The following DCC variants were observed in gnomAD, a reference collection of about 807,000 sequenced individuals.
DCC encodes the protein DCC netrin 1 receptor.
DCC carries 58 observed loss-of-function variants against 172.5 expected under a neutral mutation model. The observed-to-expected ratio is 0.34, with a 90% CI of 0.27 to 0.42. The LOEUF (loss-of-function observed/expected upper bound fraction) is 0.42. Ranked by LOEUF, DCC falls within the 10% of genes least tolerant of loss-of-function variation. The pLI is 1.00. For synonymous variants in DCC, 709 were observed against 644.5 expected, an observed-to-expected ratio of 1.10 and a Z score of -1.52; for missense variants, 1,740 against 1,791.0, an observed-to-expected ratio of 0.97 and a Z score of 0.51.
rs151158416 is a variant in DCC, at chr18:52,810,088, A to T, written c.412+57714A>T. Among the ~76,000 whole-genome samples the T allele has an allele frequency of 3.5e-3, 531 of 151,852 alleles. 2 individuals are homozygous for T. The highest frequency in any genetic ancestry group is 7.1e-3 in the South Asian group (34 of 4,822). On this transcript the variant is annotated intron_variant, in intron 2 of 28. Transcript: ENST00000442544. ...AATCCTTCTAACAACCAAAAAAAAA[A>T]ATATATTCTCAAAAAGTTTATTGAA...
At chr18:52,740,317 G>A (rs1302179842) in intron 1 of DCC, among the ~76,000 whole-genome samples, 1 of 152,120 alleles carries the variant, frequency 6.6e-6, no homozygotes, top group Non-Finnish European at 1.5e-5. Context: ...CAAAGCTGAT[G>A]TTTCTGTTAT....
chr18:53,292,729 C>G (rs1420393862), intron 12 of DCC, among the ~76,000 whole-genome samples: 1 of 152,078 alleles, frequency 6.6e-6, no homozygotes, highest in Non-Finnish European at 1.5e-5. Flanking sequence ...AAAAACAAAT[C>G]TTTGCACAAT....
chr18:52,674,845 C>T (rs2035621980), intron 1 of DCC, among the ~76,000 whole-genome samples: 1 of 151,958 alleles, frequency 6.6e-6, no homozygotes, highest in Non-Finnish European at 1.5e-5. Context: ...AAGACTGGTT[C>T]AGGCCAGGAA....
chr18:52,431,529 A>G (rs145121503), intron 1 of DCC, among the ~76,000 whole-genome samples: 1 of 152,280 alleles, frequency 6.6e-6, no homozygotes, highest in East Asian at 1.9e-4. Flanking sequence ...TCTCAAAAGA[A>G]GAAGAAAAAA....
intron 27 of DCC, among the ~76,000 whole-genome samples, chr18:53,511,283 G>C (rs1201328463): frequency 1.3e-5 from 2 of 152,226 alleles, no homozygotes; most frequent in Non-Finnish European, 2.9e-5. Flanking sequence ...TTGGAAAATG[G>C]TAGGAGTAGG....
intron 12 of DCC, among the ~76,000 whole-genome samples, chr18:53,284,895 G>A (rs551080656): frequency 6.6e-6 from 1 of 152,284 alleles, no homozygotes; most frequent in East Asian, 1.9e-4. Flanking sequence ...GGTGACTCTT[G>A]TTATGTTTTA....
intron 10 of DCC, 120 bp from the exon 11 acceptor site, chr18:53,207,559 T>TA: frequency 2.1e-6 from 2 of 965,404 alleles, no homozygotes; most frequent in Non-Finnish European, 1.6e-6. Context: ...TATAGCTCAT[T>TA]AGAAGGCTGG....
At chr18:53,291,695 T>C (rs982929801) in intron 12 of DCC, among the ~76,000 whole-genome samples, 1 of 152,188 alleles carries the variant, frequency 6.6e-6, no homozygotes, top group Non-Finnish European at 1.5e-5. Flanking sequence ...TTGCTTTTAG[T>C]AGTTTTATTT....
At chr18:53,088,014 T>C (rs1486299547) in intron 7 of DCC, among the ~76,000 whole-genome samples, 1 of 152,186 alleles carries the variant, frequency 6.6e-6, no homozygotes, top group Admixed American at 6.5e-5. Context: ...AGCCTTGTAG[T>C]ATAGTTTGTA....
intron 22 of DCC, among the ~76,000 whole-genome samples, chr18:53,448,091 G>A (rs1170210470): frequency 7.0e-5 from 10 of 142,668 alleles, no homozygotes; most frequent in Middle Eastern, 3.9e-3. Context: ...TGATTCTTAG[G>A]CAACTTGTCA....
At chr18:52,775,020 A>C (rs2037404763) in intron 2 of DCC, among the ~76,000 whole-genome samples, 2 of 152,148 alleles carry the variant, frequency 1.3e-5, no homozygotes, top group Admixed American at 1.3e-4. Flanking sequence ...AGTTTTTTAA[A>C]GCCCGGTGAA....
chr18:53,282,682 G>A (rs547522853), intron 12 of DCC, among the ~76,000 whole-genome samples: 1 of 152,104 alleles, frequency 6.6e-6, no homozygotes, highest in South Asian at 2.1e-4. Flanking sequence ...CACTTTTAAG[G>A]ACAATTTTTA....
chr18:53,291,714 C>T (rs778825651), intron 12 of DCC, among the ~76,000 whole-genome samples: 14 of 152,046 alleles, frequency 9.2e-5, no homozygotes, highest in Non-Finnish European at 1.8e-4. Flanking sequence ...TTAGTACAAA[C>T]GAATAGTCTG....
At chr18:53,113,910 T>G (rs1025315661) in intron 7 of DCC, among the ~76,000 whole-genome samples, 2 of 151,464 alleles carry the variant, frequency 1.3e-5, no homozygotes, top group African/African-American at 4.8e-5. Context: ...GATGTTTTAA[T>G]TATACCTTTA....
chr18:52,687,663 T>C (rs2035863809), intron 1 of DCC, among the ~76,000 whole-genome samples: 1 of 152,254 alleles, frequency 6.6e-6, no homozygotes, highest in African/African-American at 2.4e-5. Flanking sequence ...TTCTCAATAT[T>C]GTGGGCTGTT....
intron 1 of DCC, among the ~76,000 whole-genome samples, chr18:52,389,503 A>G (rs1177072178): frequency 6.6e-6 from 1 of 152,088 alleles, no homozygotes; most frequent in Non-Finnish European, 1.5e-5. Context: ...ACAGGTCAAT[A>G]AAGATTTATC....
chr18:53,248,001 C>T (rs936991370), intron 12 of DCC, among the ~76,000 whole-genome samples: 2 of 151,928 alleles, frequency 1.3e-5, no homozygotes, highest in African/African-American at 2.4e-5. Flanking sequence ...TTAACTGCTC[C>T]ATGTCTGATC....
intron 28 of DCC, among the ~76,000 whole-genome samples, chr18:53,530,056 A>G (rs973286292): frequency 1.1e-4 from 17 of 152,200 alleles, no homozygotes; most frequent in Non-Finnish European, 2.1e-4. Flanking sequence ...AAATGTATCT[A>G]TGTCATGATA....
intron 5 of DCC, among the ~76,000 whole-genome samples, chr18:52,928,481 A>G (rs1345765668): frequency 6.6e-6 from 1 of 152,210 alleles, no homozygotes; most frequent in Non-Finnish European, 1.5e-5. Flanking sequence ...AATATAATAC[A>G]GTTAATATGC....
Sources: allele counts gnomAD v4.1 joint callset (sites outside exome capture counted in the v4.1 genomes callset), GRCh38; gene constraint gnomAD v4.1.1; transcripts MANE v1.5; gene names NCBI Gene and HGNC (gene_info 2026-07-23, HGNC 2026-07-21).